Variants in TTC27 observed in about 807,000 individuals in gnomAD.
TTC27 encodes the protein tetratricopeptide repeat protein 27.
A neutral mutation model predicts 115.9 loss-of-function variants in TTC27; 79 were observed. That is an observed-to-expected ratio of 0.68 (90% CI 0.57 to 0.82). TTC27 has a LOEUF of 0.82. TTC27 is among the 40% of genes least tolerant of loss of function. The probability of loss-of-function intolerance (pLI) is 0.00; values close to 1 mark genes in which losing one functional copy is unlikely to be tolerated. For missense variants in TTC27, 1,054 were observed against 993.1 expected, an observed-to-expected ratio of 1.06 and a Z score of -0.82; for synonymous variants, 401 against 356.0, an observed-to-expected ratio of 1.13 and a Z score of -1.42.
chr2:32,765,407 T>G (rs1438486513), intron 13 of TTC27, among the ~76,000 whole-genome samples: 1 of 151,696 alleles, frequency 6.6e-6, no homozygotes, highest in African/African-American at 2.4e-5. Context: ...CCTTGAAATA[T>G]TCAGTAAACC....
At chr2:32,757,580 G>C (rs1397838617) in intron 12 of TTC27, among the ~76,000 whole-genome samples, 1 of 152,144 alleles carries the variant, frequency 6.6e-6, no homozygotes, top group Non-Finnish European at 1.5e-5. Context: ...AACCACATGT[G>C]CTTACTTCAT....
intron 13 of TTC27, among the ~76,000 whole-genome samples, chr2:32,773,182 G>C (rs112493037): frequency 0.01 from 1,573 of 152,248 alleles, 15 homozygotes; most frequent in Middle Eastern, 0.031. Context: ...AGACAGAAAC[G>C]CTAGACAGTC....
chr2:32,634,084 T>C, intron 3 of TTC27, 79 bp downstream of exon 3: 1 of 1,455,786 alleles, frequency 6.9e-7, no homozygotes. Flanking sequence ...AAACTGGAAC[T>C]CATAGTAGGA....
chr2:32,679,297 C>T (rs1666337084), intron 9 of TTC27, among the ~76,000 whole-genome samples: 1 of 152,208 alleles, frequency 6.6e-6, no homozygotes, highest in Non-Finnish European at 1.5e-5. Flanking sequence ...GCATTGGTTA[C>T]TTCTAGGACA....
At chr2:32,808,343 C>T (rs1311370653) in intron 16 of TTC27, among the ~76,000 whole-genome samples, 3 of 152,180 alleles carry the variant, frequency 2.0e-5, no homozygotes, top group Non-Finnish European at 2.9e-5. Context: ...CAATGACTCT[C>T]GTTATCTATT....
chr2:32,629,266 C>A (rs934112576), intron 1 of TTC27, among the ~76,000 whole-genome samples: 2 of 151,780 alleles, frequency 1.3e-5, no homozygotes, highest in African/African-American at 4.8e-5. Flanking sequence ...GGACTACAGG[C>A]ATGCACCACC....
chr2:32,748,689 C>CT (rs36003831), intron 12 of TTC27, among the ~76,000 whole-genome samples: 29,561 of 133,262 alleles, frequency 0.22, 4,121 homozygotes, highest in African/African-American at 0.39. Context: ...TCTAACAATT[C>CT]TTTTTTTTTT....
At chr2:32,652,907 G>C (rs1163642609) in intron 5 of TTC27, among the ~76,000 whole-genome samples, 1 of 151,994 alleles carries the variant, frequency 6.6e-6, no homozygotes, top group East Asian at 1.9e-4. Context: ...ATGATATTTA[G>C]GTTTTTGTCC....
At chr2:32,738,571 C>T (rs983425984) in intron 12 of TTC27, among the ~76,000 whole-genome samples, 8 of 152,112 alleles carry the variant, frequency 5.3e-5, no homozygotes, top group African/African-American at 1.9e-4. Context: ...ACATTTAGGC[C>T]ACCATTTCAG....
In TTC27 at chr2:32,769,804, G is replaced by T. The variant is rs553243477; in HGVS notation, c.1681-8078G>T. 7.9e-5 allele frequency among the ~76,000 whole-genome samples: 12 copies of T among 152,280 alleles called. No individual in the cohort carries two copies. The East Asian group carries it at 2.1e-3, about 27-fold the overall frequency. ...TATGAACTCTTTGTAAACCATTGAG[G>T]TATTGAGGGGGATACAGGAGAATTG... On this transcript the variant is annotated intron_variant, in intron 13 of 19. Coordinates refer to ENST00000317907, the MANE Select transcript of TTC27 (RefSeq NM_017735.5).
chr2:32,805,080 G>T (rs1359344473), intron 16 of TTC27, among the ~76,000 whole-genome samples: 1 of 152,196 alleles, frequency 6.6e-6, no homozygotes, highest in Non-Finnish European at 1.5e-5. Flanking sequence ...GTAAATTGAT[G>T]TAGCAAATGC....
chr2:32,628,948 C>T (rs1408747477), intron 1 of TTC27, among the ~76,000 whole-genome samples: 1 of 150,408 alleles, frequency 6.6e-6, no homozygotes, highest in Non-Finnish European at 1.5e-5. Context: ...TTAGTAGAGT[C>T]GAGGTTTCAC....
intron 6 of TTC27, among the ~76,000 whole-genome samples, chr2:32,665,778 C>G (rs1420487182): frequency 6.6e-6 from 1 of 152,132 alleles, no homozygotes; most frequent in Non-Finnish European, 1.5e-5. Context: ...GTAATCCCAG[C>G]TACTCTGGAG....
intron 7 of TTC27, among the ~76,000 whole-genome samples, chr2:32,671,120 T>C (rs141205737): frequency 3.5e-4 from 54 of 152,338 alleles, no homozygotes; most frequent in African/African-American, 1.2e-3. Context: ...TTTTCTCTTA[T>C]AATTCATACT....
At chr2:32,696,711 G>A (rs1667000768) in intron 9 of TTC27, among the ~76,000 whole-genome samples, 1 of 152,116 alleles carries the variant, frequency 6.6e-6, no homozygotes, top group African/African-American at 2.4e-5. Context: ...AATTCTTTCA[G>A]GCATGACCCA....
At chr2:32,813,693 T>C (rs547342654) in intron 18 of TTC27, among the ~76,000 whole-genome samples, 235 of 152,318 alleles carry the variant, frequency 1.5e-3, no homozygotes, top group African/African-American at 5.4e-3. Context: ...AGGATAAAGT[T>C]TGGCTTGCTT....
chr2:32,659,470 A>G (rs1665454258), intron 5 of TTC27, among the ~76,000 whole-genome samples: 2 of 150,824 alleles, frequency 1.3e-5, no homozygotes, highest in Non-Finnish European at 1.5e-5. Flanking sequence ...TTTTCACGCC[A>G]TAAAAATATG....
In TTC27 at chr2:32,787,005, A is replaced by G; in HGVS notation, c.1854A>G (p.Leu618=). The G allele has an allele frequency of 1.9e-6, 3 of 1,612,750 alleles. No homozygotes were observed. Among genetic ancestry groups the G allele is most frequent in the Non-Finnish European group, 2.5e-6 (3 of 1,179,706 alleles). ...LKQKVKAFRT[L]QEALKCNYEH... ...ATAGAGTAAAAGCTTTTAGAACTTT[A>G]CAAGAAGCTCTCAAGTGTAACTATG... is the stretch of plus-strand genomic sequence containing the variant. The change falls in exon 16 of 20, where the codon TTA becomes TTG. Residue 618 remains leucine (L), a synonymous_variant. Coordinates refer to ENST00000317907, the MANE Select transcript of TTC27 (RefSeq NM_017735.5).
At chr2:32,747,827 C>T (rs1238119481) in intron 12 of TTC27, among the ~76,000 whole-genome samples, 1 of 152,086 alleles carries the variant, frequency 6.6e-6, no homozygotes, top group Non-Finnish European at 1.5e-5. Flanking sequence ...TATAGTATTT[C>T]CCTGTAATCC....
Sources: gnomAD v4.1 joint callset for allele counts (sites outside exome capture counted in the v4.1 genomes callset) on GRCh38, gnomAD v4.1.1 for gene constraint, MANE v1.5 for transcripts, NCBI Gene and HGNC (gene_info 2026-07-23, HGNC 2026-07-21) for gene names.